PPP1R7: variants seen among roughly 807,000 people sequenced by gnomAD.
PPP1R7 encodes protein phosphatase 1 regulatory subunit 22.
A neutral mutation model predicts 45.2 loss-of-function variants in PPP1R7; 18 were observed. The observed-to-expected ratio is 0.40, with a 90% CI of 0.28 to 0.59. PPP1R7 has a LOEUF of 0.59. Ranked by LOEUF, PPP1R7 falls within the 20% of genes least tolerant of loss-of-function variation. PPP1R7 has a pLI of 0.46. For missense variants in PPP1R7, 314 were observed against 455.8 expected, an observed-to-expected ratio of 0.69 and a Z score of 2.83; for synonymous variants, 181 against 183.4, an observed-to-expected ratio of 0.99 and a Z score of 0.11.
intron 9 of PPP1R7, among the ~76,000 whole-genome samples, chr2:241,171,060 A>G (rs1408848476): frequency 2.0e-5 from 3 of 152,208 alleles, no homozygotes; most frequent in Admixed American, 2.0e-4. Context: ...GTGATAGGGA[A>G]AGGGCACCTG....
chr2:241,156,623 A>G (rs1483951133), intron 2 of PPP1R7, among the ~76,000 whole-genome samples: 2 of 152,206 alleles, frequency 1.3e-5, no homozygotes, highest in African/African-American at 2.4e-5. Flanking sequence ...GCAGTGAGCT[A>G]TGATCACACC....
chr2:241,180,925 G>A (rs182629262), intron 9 of PPP1R7, among the ~76,000 whole-genome samples: 16 of 152,286 alleles, frequency 1.1e-4, no homozygotes, highest in South Asian at 6.2e-4. Flanking sequence ...CAGGCCAGGC[G>A]CAGTGGCTCA....
chr2:241,153,313 C>T (rs1314160557), intron 1 of PPP1R7, among the ~76,000 whole-genome samples, 163 bp from the exon 2 acceptor site: 1 of 152,168 alleles, frequency 6.6e-6, no homozygotes, highest in East Asian at 1.9e-4. Flanking sequence ...GGCCATATGC[C>T]TCAAATGGTG....
chr2:241,170,336 T>C (rs1188761872), intron 9 of PPP1R7, among the ~76,000 whole-genome samples: 3 of 152,240 alleles, frequency 2.0e-5, no homozygotes, highest in African/African-American at 4.8e-5. Context: ...GTTAGTCATC[T>C]TGGAATTTGC....
chr2:241,157,702 T>A, intron 2 of PPP1R7, 105 bp from the exon 3 acceptor site: 1 of 1,114,892 alleles, frequency 9.0e-7, no homozygotes, highest in Admixed American at 2.0e-5. Flanking sequence ...GGGTTTGAGC[T>A]GGCTCTGGGC....
chr2:241,179,251 G>A (rs2067960635), intron 9 of PPP1R7, among the ~76,000 whole-genome samples: 1 of 152,172 alleles, frequency 6.6e-6, no homozygotes, highest in African/African-American at 2.4e-5. Flanking sequence ...ACAGGCCCAA[G>A]GATCATGCCA....
At position 241,150,604 on chromosome 2, in the gene PPP1R7, G is replaced by A. The variant is rs1229226312; in HGVS notation, c.52+57G>A. The A allele has an allele frequency of 3.6e-5, 55 of 1,538,784 alleles. 1 individual carries two copies. In the South Asian group the frequency reaches 5.8e-4, roughly 16 times the overall value. ...GCCCAGCGGGCGGGGGGAGCTGCGGGCTGGAACTGCTCCGTGCCTGAGAGA... is the reference window on the plus strand; with the variant it reads ...GCCCAGCGGGCGGGGGGAGCTGCGGACTGGAACTGCTCCGTGCCTGAGAGA... On this transcript the variant is annotated intron_variant, in intron 1 of 9. Coordinates refer to ENST00000234038, the MANE Select transcript of PPP1R7 (RefSeq NM_002712.3).
chr2:241,179,417 AT>A (rs1486072027), intron 9 of PPP1R7, among the ~76,000 whole-genome samples: 10 of 152,336 alleles, frequency 6.6e-5, no homozygotes, highest in Admixed American at 6.5e-5. Context: ...CCTACCAAAA[AT>A]GTTTAGTCTG....
At position 241,182,908 on chromosome 2, in the gene PPP1R7, C is replaced by A; in HGVS notation, c.*85C>A. On this transcript the variant is annotated 3_prime_UTR_variant, in exon 10 of 10. Coordinates refer to ENST00000234038, the MANE Select transcript of PPP1R7 (RefSeq NM_002712.3). ...TTAACCCACCTGTTGCTCCTGAGGTCGTCACTATATCAACAGTCACAAACC... is the reference window on the plus strand; with the variant it reads ...TTAACCCACCTGTTGCTCCTGAGGTAGTCACTATATCAACAGTCACAAACC... 1.4e-6 allele frequency: 2 copies of A among 1,459,708 alleles called. No homozygotes were observed. The highest frequency in any genetic ancestry group is 2.6e-5 in the South Asian group (2 of 77,986). The allele number at this position is 1,459,708 out of a possible 1,614,324, so 90.4% of individuals were successfully genotyped here. A position where few individuals can be genotyped will look rare whatever the true frequency, so the allele number is the denominator to read the frequency against.
At chr2:241,174,914 A>T (rs1040804819) in intron 9 of PPP1R7, among the ~76,000 whole-genome samples, 2 of 151,886 alleles carry the variant, frequency 1.3e-5, no homozygotes, top group African/African-American at 4.8e-5. Flanking sequence ...TGACCTCATG[A>T]TCCGCCCGCC....
At chr2:241,159,595 G>T (rs2125487907) in intron 5 of PPP1R7, among the ~76,000 whole-genome samples, 1 of 152,344 alleles carries the variant, frequency 6.6e-6, no homozygotes, top group South Asian at 2.1e-4. Context: ...TGATGGGAAG[G>T]CTGCAGTGGG....
intron 9 of PPP1R7, among the ~76,000 whole-genome samples, chr2:241,171,420 A>G (rs757952107): frequency 3.3e-5 from 5 of 152,180 alleles, no homozygotes; most frequent in Non-Finnish European, 5.9e-5. Context: ...AGGTCATATT[A>G]CCCCATTTTA....
chr2:241,180,761 G>A (rs2067989861), intron 9 of PPP1R7, among the ~76,000 whole-genome samples: 1 of 141,930 alleles, frequency 7.0e-6, no homozygotes, highest in Non-Finnish European at 1.5e-5. Context: ...CACTGGTCGG[G>A]ACAGCAGCAG....
In PPP1R7 at chr2:241,150,469, A is replaced by C. The variant is rs750942631; in HGVS notation, c.-27A>C. ...TTGGCTGAGGGGTCTGAGGCGACAG[A>C]TTCCGGAAAGGGGAAGAGCAGCCAA... On this transcript the variant is annotated 5_prime_UTR_variant, in exon 1 of 10. Coordinates refer to ENST00000234038, the MANE Select transcript of PPP1R7 (RefSeq NM_002712.3). The C allele has an allele frequency of 1.3e-6, 2 of 1,576,336 alleles. No individual in the cohort carries two copies. Among genetic ancestry groups the C allele is most frequent in the African/African-American group, 1.4e-5 (1 of 71,898 alleles).
At chr2:241,175,680 G>A (rs2067896431) in intron 9 of PPP1R7, among the ~76,000 whole-genome samples, 1 of 152,058 alleles carries the variant, frequency 6.6e-6, no homozygotes, top group South Asian at 2.1e-4. Context: ...CTGAAGCCTT[G>A]GCCTCCTGAG....
chr2:241,150,247 T>C (rs1353211570), upstream of PPP1R7: 4 of 1,289,472 alleles, frequency 3.1e-6, no homozygotes, highest in Admixed American at 1.2e-4. Context: ...CTCCCTCTGC[T>C]TTCCTTCCCA....
chr2:241,169,836 T>C lies in PPP1R7; in HGVS notation c.875T>C (p.Ile292Thr), dbSNP rs1559425230. ...AATAGAATCAAAAAGATTGAAAATA[T>C]CAGCCATCTAACAGAGCTGCAAGAG... ...ASNRIKKIEN[I>T]SHLTELQEFW... The change falls in exon 9 of 10, where the codon ATC (isoleucine) becomes ACC (threonine). Residue 292 changes from isoleucine to threonine, a missense_variant. This residue lies in a region of PPP1R7 where 168 missense variants were observed against 285.3 expected (regional missense o/e 0.59). Coordinates refer to ENST00000234038, the MANE Select transcript of PPP1R7 (RefSeq NM_002712.3). 6.2e-7 allele frequency: 1 copy of C among 1,613,138 alleles called. No homozygotes were observed. The highest frequency in any genetic ancestry group is 8.5e-7 in the Non-Finnish European group (1 of 1,179,048).
intron 9 of PPP1R7, among the ~76,000 whole-genome samples, chr2:241,171,347 G>A (rs1433985103): frequency 6.6e-6 from 1 of 152,200 alleles, no homozygotes; most frequent in Non-Finnish European, 1.5e-5. Context: ...AATTTGCACA[G>A]CGCTTTATGG....
chr2:241,157,969 T>A lies in PPP1R7; in HGVS notation c.237+107T>A, dbSNP rs542555896. On this transcript the variant is annotated intron_variant, in intron 3 of 9. Transcript: ENST00000234038. ...TTTCCCTAGAGAGGTGGCCTAAGCC[T>A]CCCTTGGTTGAGTCAGAGTCCCGTG... 3.8e-5 allele frequency: 45 copies of A among 1,177,916 alleles called. 1 individual carries two copies. The South Asian group carries it at 5.1e-4, about 13-fold the overall frequency. 73.0% of individuals were successfully genotyped at this position (1,177,916 alleles called of 1,614,324 possible). A position where few individuals can be genotyped will look rare whatever the true frequency, so the allele number is the denominator to read the frequency against.
Sources: allele counts gnomAD v4.1 joint callset (sites outside exome capture counted in the v4.1 genomes callset), GRCh38; gene constraint gnomAD v4.1.1; regional missense constraint gnomAD v4.1.1; transcripts MANE v1.5; gene names NCBI Gene and HGNC (gene_info 2026-07-23, HGNC 2026-07-21).